Variants in ARHGAP26 observed in about 807,000 individuals in gnomAD.
ARHGAP26 encodes Rho GTPase activating protein 26.
Under a neutral mutation model 104.8 loss-of-function variants are expected in ARHGAP26, and 38 were observed. The ratio of observed to expected loss-of-function variants is 0.36; its 90% CI spans 0.28 to 0.48. The LOEUF (loss-of-function observed/expected upper bound fraction) is 0.48. ARHGAP26 is among the 20% of genes least tolerant of loss of function. The pLI is 0.99. For synonymous variants in ARHGAP26, 341 were observed against 340.0 expected, an observed-to-expected ratio of 1.00 and a Z score of -0.03; for missense variants, 704 against 947.9, an observed-to-expected ratio of 0.74 and a Z score of 3.38.
intron 19 of ARHGAP26, 137 bp downstream of exon 19, chr5:143,134,242 C>T: frequency 9.8e-7 from 1 of 1,025,210 alleles, no homozygotes; most frequent in East Asian, 2.8e-5. Context: ...TCATTGTGCC[C>T]TCCCAAGTGC....
rs145362778 is a variant in ARHGAP26, at chr5:142,901,065, G to A, written c.598-870G>A. Reference sequence around the variant, plus strand: ...TAGAACTTGAGAAGGGGCCAGGAAAGCATAACAACAGTGAGGTTTGGATGT... The same window carrying A: ...TAGAACTTGAGAAGGGGCCAGGAAAACATAACAACAGTGAGGTTTGGATGT... On this transcript the variant is annotated intron_variant, in intron 6 of 22. Transcript: ENST00000645722. Among the ~76,000 whole-genome samples the A allele has an allele frequency of 2.4e-3, 365 of 151,988 alleles. 3 individuals are homozygous for A. The highest frequency in any genetic ancestry group is 7.8e-3 in the African/African-American group (322 of 41,436).
intron 1 of ARHGAP26, among the ~76,000 whole-genome samples, chr5:142,797,380 A>G (rs1761200527): frequency 1.3e-5 from 2 of 152,294 alleles, no homozygotes; most frequent in East Asian, 3.9e-4. Flanking sequence ...AGTTTTGTTC[A>G]TTTTTCAAGT....
chr5:143,187,811 AC>A lies in ARHGAP26; in HGVS notation c.1989-19386del, dbSNP rs5871838. Among the ~76,000 whole-genome samples, 1,286 of 152,200 alleles carry A rather than the reference AC, an allele frequency of 8.4e-3. 18 individuals are homozygous for A. The highest frequency in any genetic ancestry group is 0.028 in the African/African-American group (1,146 of 41,520). ...GCCCTACCTGGCATGTCATAAGTGC[AC>A]TCTATCCATTGGGAGCTGTTATTTT... is the stretch of plus-strand genomic sequence containing the variant. On this transcript the variant is annotated intron_variant, in intron 20 of 22. Transcript: ENST00000645722.
intron 1 of ARHGAP26, among the ~76,000 whole-genome samples, chr5:142,778,169 G>T (rs1756733243): frequency 6.6e-6 from 1 of 152,234 alleles, no homozygotes; most frequent in South Asian, 2.1e-4. Context: ...GAATGATTCA[G>T]ATATTTTTGG....
At chr5:143,010,666 C>T (rs989831905) in intron 11 of ARHGAP26, 2 of 152,228 alleles carry the variant, frequency 1.3e-5, no homozygotes. Context: ...TTTCTGGTGC[C>T]TTTGACTCAT....
chr5:142,836,218 A>G (rs923444595), intron 1 of ARHGAP26, among the ~76,000 whole-genome samples: 3 of 152,210 alleles, frequency 2.0e-5, no homozygotes, highest in South Asian at 2.1e-4. Flanking sequence ...TGCTTCACTC[A>G]GTTAATGATC....
intron 12 of ARHGAP26, among the ~76,000 whole-genome samples, chr5:143,029,392 GTTTTTTTTTTTTTTTT>G (rs536919888): frequency 2.5e-5 from 2 of 80,846 alleles, no homozygotes; most frequent in Admixed American, 1.5e-4. Flanking sequence ...TTACTTCTCA[GTTTTTTTTTTTTTTTT>G]TTTTTTTTTT....
chr5:142,968,929 A>G (rs949370821), intron 11 of ARHGAP26, among the ~76,000 whole-genome samples: 5 of 151,912 alleles, frequency 3.3e-5, no homozygotes, highest in African/African-American at 1.2e-4. Context: ...TTTTTATTTT[A>G]CTCATTTATT....
chr5:142,907,538 A>G (rs1390639510), intron 8 of ARHGAP26, 166 bp from the exon 9 acceptor site: 4 of 375,040 alleles, frequency 1.1e-5, no homozygotes, highest in Admixed American at 4.4e-5. Context: ...GTGGGATCAG[A>G]TTTCTGTCTA....
rs573215051 is a variant in ARHGAP26, at chr5:143,226,456, G to C, written c.*4010G>C. The C allele has an allele frequency of 1.7e-5, 3 of 175,506 alleles. No individual in the cohort carries two copies. The South Asian group carries it at 6.2e-4, about 36-fold the overall frequency. The allele number at this position is 175,506 out of a possible 1,614,324, so 10.9% of individuals were successfully genotyped here. On this transcript the variant is annotated 3_prime_UTR_variant, in exon 23 of 23. Transcript: ENST00000645722. ...AGATCACGCCCCTGCACTCCAGCCT[G>C]GGTGACAGAGCCAGACTCCGTCTCA...
chr5:143,158,001 A>C lies in ARHGAP26; in HGVS notation c.1988+10620A>C, dbSNP rs183858637. On this transcript the variant is annotated intron_variant, in intron 20 of 22. Transcript: ENST00000645722. ...TAATAATACCTACTTTCAAGGTTATAAGATAATGCCTTCCTAACACTTAGT... is the reference window on the plus strand; with the variant it reads ...TAATAATACCTACTTTCAAGGTTATCAGATAATGCCTTCCTAACACTTAGT... 7.2e-5 allele frequency among the ~76,000 whole-genome samples: 11 copies of C among 152,366 alleles called. No homozygotes were observed. In the East Asian group the frequency reaches 1.9e-3, roughly 27 times the overall value.
rs138574447 is a variant in ARHGAP26, at chr5:143,073,650, A to G, written c.1538+15903A>G. Among the ~76,000 whole-genome samples, 195 of 152,306 alleles carry G rather than the reference A, an allele frequency of 1.3e-3. 1 individual carries two copies. Among genetic ancestry groups the G allele is most frequent in the African/African-American group, 4.4e-3 (183 of 41,562 alleles). ...AATGTACCAGGCCTTCAGTTTCTTC[A>G]TCTACAAAATGAAAGGGATTACTTT... On this transcript the variant is annotated intron_variant, in intron 17 of 22. Coordinates refer to ENST00000645722, the MANE Select transcript of ARHGAP26 (RefSeq NM_001135608.3).
chr5:143,040,814 T>C (rs1783354543), intron 13 of ARHGAP26, among the ~76,000 whole-genome samples: 1 of 152,156 alleles, frequency 6.6e-6, no homozygotes, highest in African/African-American at 2.4e-5. Flanking sequence ...GGAAGGCCAG[T>C]GTGTGGAGCA....
intron 7 of ARHGAP26, among the ~76,000 whole-genome samples, chr5:142,902,513 C>T (rs549849981): frequency 3.9e-5 from 6 of 152,354 alleles, no homozygotes; most frequent in Admixed American, 3.9e-4. Flanking sequence ...GTCCGTGCTT[C>T]GCTCCCAGTG....
intron 19 of ARHGAP26, among the ~76,000 whole-genome samples, chr5:143,136,710 A>G (rs1263522489): frequency 6.6e-6 from 1 of 152,160 alleles, no homozygotes; most frequent in Non-Finnish European, 1.5e-5. Flanking sequence ...GTTGTAATCC[A>G]GCCACCCGTC....
At chr5:143,022,275 G>T (rs905736869) in intron 12 of ARHGAP26, among the ~76,000 whole-genome samples, 5 of 152,042 alleles carry the variant, frequency 3.3e-5, no homozygotes, top group African/African-American at 1.2e-4. Context: ...GTTTCACCAT[G>T]TTGGCCAGGC....
At chr5:143,016,444 C>A (rs940758109) in intron 12 of ARHGAP26, among the ~76,000 whole-genome samples, 2 of 152,158 alleles carry the variant, frequency 1.3e-5, no homozygotes, top group African/African-American at 4.8e-5. Context: ...GTGGCTCACG[C>A]CTGTAATCCC....
intron 1 of ARHGAP26, among the ~76,000 whole-genome samples, chr5:142,816,446 G>A (rs1765151260): frequency 6.6e-6 from 1 of 152,210 alleles, no homozygotes; most frequent in Admixed American, 6.5e-5. Flanking sequence ...TGCCATAGGA[G>A]GAGTACATGA....
chr5:143,044,584 G>A (rs1783956187), intron 14 of ARHGAP26, among the ~76,000 whole-genome samples: 1 of 148,166 alleles, frequency 6.7e-6, no homozygotes, highest in African/African-American at 2.5e-5. Context: ...GGGGGATGGG[G>A]TGGACAGTTG....
Sources: allele counts gnomAD v4.1 joint callset (sites outside exome capture counted in the v4.1 genomes callset), GRCh38; gene constraint gnomAD v4.1.1; transcripts MANE v1.5; gene names NCBI Gene and HGNC (gene_info 2026-07-23, HGNC 2026-07-21).